Variants in AP3B1 observed in about 807,000 individuals in gnomAD.
AP3B1 encodes AP-3 complex subunit beta-1.
A neutral mutation model predicts 132.5 loss-of-function variants in AP3B1; 61 were observed. That is an observed-to-expected ratio of 0.46 (90% CI 0.37 to 0.57). AP3B1 has a LOEUF of 0.57. Among genes scored for constraint, AP3B1 ranks in the 20% least tolerant of loss-of-function variants. The pLI is 0.00. For synonymous variants in AP3B1, 388 were observed against 438.3 expected, an observed-to-expected ratio of 0.89 and a Z score of 1.43; for missense variants, 1,120 against 1,289.4, an observed-to-expected ratio of 0.87 and a Z score of 2.01.
At chr5:78,278,415 C>A (rs1476028469) in intron 1 of AP3B1, among the ~76,000 whole-genome samples, 1 of 91,966 alleles carries the variant, frequency 1.1e-5, no homozygotes, top group East Asian at 2.9e-4. Context: ...CCGGCTAAAA[C>A]GGTGAAACCC....
intron 24 of AP3B1, among the ~76,000 whole-genome samples, chr5:78,029,232 C>T (rs905435245): frequency 6.6e-6 from 1 of 151,988 alleles, no homozygotes; most frequent in African/African-American, 2.4e-5. Context: ...GTATTGTTTT[C>T]TGCTTTATAA....
intron 7 of AP3B1, among the ~76,000 whole-genome samples, chr5:78,208,675 G>A (rs370790167): frequency 1.3e-5 from 2 of 152,114 alleles, no homozygotes; most frequent in African/African-American, 4.8e-5. Context: ...ATAAGTGGGA[G>A]GGGTAGAACT....
intron 20 of AP3B1, among the ~76,000 whole-genome samples, chr5:78,106,030 C>T (rs912849141): frequency 6.6e-6 from 1 of 152,164 alleles, no homozygotes; most frequent in Non-Finnish European, 1.5e-5. Context: ...TGGAGGGTCA[C>T]AGTGATATGA....
At chr5:78,171,801 A>G (rs1336611084) in intron 11 of AP3B1, among the ~76,000 whole-genome samples, 3 of 152,198 alleles carry the variant, frequency 2.0e-5, no homozygotes, top group Non-Finnish European at 4.4e-5. Flanking sequence ...GAGAGAGGGC[A>G]TAATTGTCTT....
At chr5:78,110,155 A>T in intron 20 of AP3B1, 52 bp downstream of exon 20, 1 of 1,486,548 alleles carries the variant, frequency 6.7e-7, no homozygotes, top group Non-Finnish European at 9.3e-7. Flanking sequence ...TGTCTATTTT[A>T]GTTGCTATAA....
intron 15 of AP3B1, among the ~76,000 whole-genome samples, chr5:78,133,126 T>C (rs1007320829): frequency 1.4e-4 from 22 of 152,204 alleles, no homozygotes; most frequent in Admixed American, 1.2e-3. Context: ...ATGCATCTCA[T>C]AGGCCATGGC....
chr5:78,208,132 A>C (rs556655167), intron 7 of AP3B1, among the ~76,000 whole-genome samples: 1 of 152,288 alleles, frequency 6.6e-6, no homozygotes, highest in South Asian at 2.1e-4. Flanking sequence ...CCTAAGAAAT[A>C]GGATTCAACA....
intron 13 of AP3B1, 139 bp downstream of exon 13, chr5:78,162,680 A>C (rs566277201): frequency 1.0e-5 from 9 of 866,014 alleles, no homozygotes; most frequent in Non-Finnish European, 1.6e-5. Flanking sequence ...TCAAGGATAA[A>C]ATGCTACTTA....
intron 15 of AP3B1, among the ~76,000 whole-genome samples, chr5:78,134,423 T>C (rs1471709351): frequency 6.6e-6 from 1 of 152,212 alleles, no homozygotes; most frequent in Non-Finnish European, 1.5e-5. Flanking sequence ...CTGTTATTTT[T>C]TAACAGGATG....
At position 78,040,128 on chromosome 5, in the gene AP3B1, C is replaced by A. The variant is rs1748014427; in HGVS notation, c.2578-854G>T. 5.3e-5 allele frequency among the ~76,000 whole-genome samples: 8 copies of A among 151,852 alleles called. No homozygotes were observed. The South Asian group carries it at 1.7e-3, about 31-fold the overall frequency. ...GCCCCCAGGATAAGGTGGCTTCTTC[C>A]TTTGCCTTAATGATCTCTACTTTGA... is the stretch of plus-strand genomic sequence containing the variant. On this transcript the variant is annotated intron_variant, in intron 22 of 26. Coordinates refer to ENST00000255194, the MANE Select transcript of AP3B1 (RefSeq NM_003664.5).
At chr5:78,209,873 T>C (rs1055967328) in intron 7 of AP3B1, among the ~76,000 whole-genome samples, 5 of 152,176 alleles carry the variant, frequency 3.3e-5, no homozygotes, top group Non-Finnish European at 7.4e-5. Context: ...TAAAGTTTTC[T>C]TTTTTAAAAA....
intron 1 of AP3B1, among the ~76,000 whole-genome samples, chr5:78,278,280 A>T (rs1296117678): frequency 1.3e-5 from 2 of 152,208 alleles, no homozygotes; most frequent in African/African-American, 2.4e-5. Context: ...GTATGCAAAA[A>T]CTTATGTTGA....
At chr5:78,127,862 T>A (rs1752526309) in intron 17 of AP3B1, among the ~76,000 whole-genome samples, 168 bp downstream of exon 17, 1 of 152,184 alleles carries the variant, frequency 6.6e-6, no homozygotes, top group South Asian at 2.1e-4. Context: ...ATAGGAATAC[T>A]ATAATATTTA....
At chr5:78,290,455 T>C (rs1458454490) in intron 1 of AP3B1, among the ~76,000 whole-genome samples, 3 of 152,102 alleles carry the variant, frequency 2.0e-5, no homozygotes, top group Admixed American at 2.0e-4. Flanking sequence ...GTAGCTTTAC[T>C]ATTGTAATTA....
intron 11 of AP3B1, among the ~76,000 whole-genome samples, chr5:78,168,109 A>C (rs916199967): frequency 6.6e-6 from 1 of 151,964 alleles, no homozygotes; most frequent in Non-Finnish European, 1.5e-5. Context: ...ACATATTCTG[A>C]GTACAAATCA....
At chr5:78,009,534 C>G (rs1746531090) in intron 26 of AP3B1, among the ~76,000 whole-genome samples, 1 of 151,830 alleles carries the variant, frequency 6.6e-6, no homozygotes, top group African/African-American at 2.4e-5. Flanking sequence ...TTATTTTAAA[C>G]CTGAAATAAA....
chr5:78,202,446 G>A (rs998237790), intron 7 of AP3B1, among the ~76,000 whole-genome samples: 1 of 152,060 alleles, frequency 6.6e-6, no homozygotes, highest in Admixed American at 6.6e-5. Flanking sequence ...GTGCAGGAAA[G>A]TGACACTAAG....
intron 3 of AP3B1, among the ~76,000 whole-genome samples, chr5:78,236,211 T>C (rs940458130): frequency 2.0e-5 from 3 of 152,136 alleles, no homozygotes; most frequent in Non-Finnish European, 2.9e-5. Context: ...TGATAACTAT[T>C]TGAATAGTAA....
chr5:78,075,542 C>CGT (rs1749733248), intron 22 of AP3B1, among the ~76,000 whole-genome samples: 1 of 152,172 alleles, frequency 6.6e-6, no homozygotes, highest in African/African-American at 2.4e-5. Context: ...TGCCAATTTT[C>CGT]GACAATAGCA....
Sources: gnomAD v4.1 joint callset for allele counts (sites outside exome capture counted in the v4.1 genomes callset) on GRCh38, gnomAD v4.1.1 for gene constraint, MANE v1.5 for transcripts, NCBI Gene and HGNC (gene_info 2026-07-23, HGNC 2026-07-21) for gene names.